The following ATF6 variants were observed in gnomAD, a reference collection of about 807,000 sequenced individuals.
ATF6 encodes the protein cyclic AMP-dependent transcription factor ATF-6 alpha.
A neutral mutation model predicts 83.6 loss-of-function variants in ATF6; 53 were observed. The observed-to-expected ratio is 0.63, with a 90% confidence interval of 0.51 to 0.80. The LOEUF (loss-of-function observed/expected upper bound fraction) is 0.80. ATF6 is among the 30% of genes least tolerant of loss of function. ATF6 has a pLI of 0.00. For missense variants in ATF6, 744 were observed against 797.9 expected (o/e 0.93, Z 0.81); for synonymous variants, 288 against 285.8 (o/e 1.01, Z -0.08).
At chr1:161,767,746 T>C (rs16864153) in intron 1 of ATF6, among the ~76,000 whole-genome samples, 21,411 of 152,240 alleles carry the variant, frequency 0.14, 2,050 homozygotes, top group East Asian at 0.31. Context: ...TGTCTACAGA[T>C]TTTATTCTTC....
intron 14 of ATF6, among the ~76,000 whole-genome samples, chr1:161,872,389 C>A (rs1687140147): frequency 6.6e-6 from 1 of 151,522 alleles, no homozygotes; most frequent in Non-Finnish European, 1.5e-5. Context: ...GTTGATCTCT[C>A]TTTTCAAAAC....
intron 14 of ATF6, among the ~76,000 whole-genome samples, chr1:161,881,128 A>C (rs1050883943): frequency 6.6e-6 from 1 of 151,784 alleles, no homozygotes. Flanking sequence ...CATTTTGAGG[A>C]TTTTGTGTGT....
rs746555069 is a variant in ATF6, at chr1:161,851,751, C to G, written c.1349C>G (p.Ala450Gly). The G allele has an allele frequency of 3.1e-6, 5 of 1,613,574 alleles. No individual in the cohort carries two copies. The highest frequency in any genetic ancestry group is 3.3e-5 in the Admixed American group (2 of 59,960). The change falls in exon 11 of 16, where the codon GCC (alanine) becomes GGC (glycine). Residue 450 changes from alanine (A) to glycine (G), a missense_variant. Transcript: ENST00000367942. ...GATCATTCTGTTTCAAATGACAAAG[C>G]CCTGATGGTGCTAACTGAAGAACCA... is the stretch of plus-strand genomic sequence containing the variant. ...RYDHSVSNDK[A>G]LMVLTEEPLL...
chr1:161,950,933 A>G (rs1688851007), intron 15 of ATF6, among the ~76,000 whole-genome samples: 1 of 152,222 alleles, frequency 6.6e-6, no homozygotes, highest in African/African-American at 2.4e-5. Context: ...CTATGATCTA[A>G]TGAAGAAACC....
intron 15 of ATF6, among the ~76,000 whole-genome samples, chr1:161,920,488 G>A (rs925610871): frequency 4.0e-5 from 6 of 151,588 alleles, no homozygotes; most frequent in African/African-American, 1.5e-4. Context: ...TAGAGACGGG[G>A]TTTCATGATG....
chr1:161,922,867 C>A (rs949047406), intron 15 of ATF6, among the ~76,000 whole-genome samples: 3 of 151,744 alleles, frequency 2.0e-5, no homozygotes. Flanking sequence ...TTGTAGGCCA[C>A]GGTGAAGAGT....
intron 14 of ATF6, among the ~76,000 whole-genome samples, chr1:161,877,863 T>C (rs777796630): frequency 1.3e-5 from 2 of 152,114 alleles, no homozygotes; most frequent in African/African-American, 2.4e-5. Flanking sequence ...ATTGGAGAGA[T>C]ATTAGATGTG....
At chr1:161,881,803 T>C (rs1046748912) in intron 14 of ATF6, among the ~76,000 whole-genome samples, 8 of 152,134 alleles carry the variant, frequency 5.3e-5, no homozygotes, top group Admixed American at 4.6e-4. Flanking sequence ...TATGTCAGCT[T>C]TTTATTTTAT....
chr1:161,843,094 G>T (rs1198456361), intron 9 of ATF6, among the ~76,000 whole-genome samples: 3 of 152,244 alleles, frequency 2.0e-5, no homozygotes, highest in East Asian at 3.8e-4. Flanking sequence ...CCTGGACAGG[G>T]TGCCATCCCT....
chr1:161,900,258 A>C (rs1310752366), intron 14 of ATF6, among the ~76,000 whole-genome samples: 1 of 152,114 alleles, frequency 6.6e-6, no homozygotes, highest in Non-Finnish European at 1.5e-5. Context: ...TAGGAACGTA[A>C]CTCTCATTTA....
At chr1:161,875,086 C>A (rs1256038057) in intron 14 of ATF6, among the ~76,000 whole-genome samples, 1 of 151,656 alleles carries the variant, frequency 6.6e-6, no homozygotes, top group African/African-American at 2.4e-5. Context: ...TTAAGAAAAA[C>A]CTCTTTAATA....
chr1:161,819,351 T>A (rs918276058), intron 7 of ATF6, among the ~76,000 whole-genome samples: 1 of 152,200 alleles, frequency 6.6e-6, no homozygotes, highest in African/African-American at 2.4e-5. Flanking sequence ...AAAGATACTT[T>A]CTGAGGGAGT....
At chr1:161,903,251 TAAAGG>T (rs1687824268) in intron 14 of ATF6, among the ~76,000 whole-genome samples, 1 of 152,172 alleles carries the variant, frequency 6.6e-6, no homozygotes, top group South Asian at 2.1e-4. Context: ...TCTTTTATAT[TAAAGG>T]AAATAAAATA....
At position 161,830,443 on chromosome 1, in the gene ATF6, A is replaced by T. The variant is rs991325368; in HGVS notation, c.1187+9282A>T. On this transcript the variant is annotated intron_variant, in intron 9 of 15. Transcript: ENST00000367942. ...GACTTTCTTCACAGAATTGGAAAAA[A>T]CTACTTTGAAGTTCATATGGAACCA... Among the ~76,000 whole-genome samples, 6 of 152,336 alleles carry T rather than the reference A, an allele frequency of 3.9e-5. No homozygotes were observed. In the East Asian group the frequency reaches 9.6e-4, roughly 24 times the overall value.
In ATF6 at chr1:161,815,920, A is replaced by G. The variant is rs752175766; in HGVS notation, c.910-3713A>G. Among the ~76,000 whole-genome samples, 25 of 152,358 alleles carry G rather than the reference A, an allele frequency of 1.6e-4. No homozygotes were observed. The Middle Eastern group carries it at 0.014, about 83-fold the overall frequency. The stretch of plus-strand genomic sequence containing the variant: ...GTGCCACTGCACTCCAGCCTGGGTG[A>G]CAGAGTGAGATTCTTTCTCAAAAAA... On this transcript the variant is annotated intron_variant, in intron 7 of 15. Transcript: ENST00000367942.
intron 7 of ATF6, among the ~76,000 whole-genome samples, chr1:161,817,090 G>A (rs918308367): frequency 6.6e-6 from 1 of 152,132 alleles, no homozygotes; most frequent in African/African-American, 2.4e-5. Flanking sequence ...GACCACAGAT[G>A]GTTTTCATTT....
At chr1:161,895,200 G>T (rs1039099567) in intron 14 of ATF6, among the ~76,000 whole-genome samples, 2 of 152,088 alleles carry the variant, frequency 1.3e-5, no homozygotes, top group African/African-American at 4.8e-5. Flanking sequence ...TCATGCCACT[G>T]CACTCCAGCT....
At chr1:161,790,886 T>G (rs1684860187) in intron 4 of ATF6, among the ~76,000 whole-genome samples, 1 of 151,986 alleles carries the variant, frequency 6.6e-6, no homozygotes, top group Non-Finnish European at 1.5e-5. Flanking sequence ...TTTACAACAT[T>G]TGGAACAAAG....
chr1:161,814,590 C>T (rs1022172889), intron 7 of ATF6, among the ~76,000 whole-genome samples: 41 of 152,118 alleles, frequency 2.7e-4, no homozygotes, highest in Non-Finnish European at 4.4e-5. Flanking sequence ...CAGTATGAAG[C>T]TTCTTTAATT....
Sources: gnomAD v4.1 joint callset for allele counts (sites outside exome capture counted in the v4.1 genomes callset) on GRCh38, gnomAD v4.1.1 for gene constraint, MANE v1.5 for transcripts, NCBI Gene and HGNC (gene_info 2026-07-23, HGNC 2026-07-21) for gene names.